ACTA2: variants seen among roughly 807,000 people sequenced by gnomAD.
ACTA2 encodes the protein actin, aortic smooth muscle.
In ACTA2, 12 loss-of-function variants were observed where a neutral mutation model predicts 39.5. The observed-to-expected ratio is 0.30, with a 90% confidence interval of 0.19 to 0.49. The LOEUF (loss-of-function observed/expected upper bound fraction) is 0.49. Ranked by LOEUF, ACTA2 falls within the 20% of genes least tolerant of loss-of-function variation. ACTA2 has a pLI of 0.99. For missense variants in ACTA2, 236 were observed against 498.8 expected (o/e 0.47, Z 5.02); for synonymous variants, 158 against 180.6 (o/e 0.88, Z 1.00).
At chr10:88,945,687 C>T (rs909128380) in intron 3 of ACTA2, among the ~76,000 whole-genome samples, 1 of 152,062 alleles carries the variant, frequency 6.6e-6, no homozygotes, top group African/African-American at 2.4e-5. Flanking sequence ...TATCATATAG[C>T]TTTTTTCAGT....
intron 1 of ACTA2, among the ~76,000 whole-genome samples, chr10:88,980,419 G>T (rs763560914): frequency 6.6e-6 from 1 of 152,176 alleles, no homozygotes; most frequent in Non-Finnish European, 1.5e-5. Context: ...GGATAAATAA[G>T]AGCCAGAACT....
In ACTA2 at chr10:88,947,377, C is replaced by T. The variant is rs1181233032; in HGVS notation, c.139G>A (p.Val47Met). The T allele has an allele frequency of 6.2e-7, 1 of 1,613,968 alleles. No homozygotes were observed. Among genetic ancestry groups the T allele is most frequent in the Admixed American group, 1.7e-5 (1 of 60,016 alleles). ...VGRPRHQGVM[V>M]GMGQKDSYVG... is the part of the protein sequence containing the mutation. ...TAGCTGTCTTTTTGTCCCATTCCCA[C>T]CATCACCCCCTAAAAAGGTTCAACA... Residue 47 changes from valine to methionine, a missense_variant, in exon 3 of 9, where the codon GTG becomes ATG. Val to Met is a conservative substitution (Grantham distance 21). Coordinates refer to ENST00000224784, the MANE Select transcript of ACTA2 (RefSeq NM_001613.4).
chr10:88,957,255 G>A (rs367628179), upstream of ACTA2, among the ~76,000 whole-genome samples: 13 of 152,180 alleles, frequency 8.5e-5, no homozygotes, highest in African/African-American at 2.9e-4. Context: ...TAAGATTCAC[G>A]AGGCACCTTC....
rs187751276 is a variant in ACTA2 at position 88,976,832 on chromosome 10, T to C, written c.-24+14107A>G. On this transcript the variant is annotated intron_variant, in intron 1 of 4. Coordinates refer to the ACTA2 transcript ENST00000415557. The stretch of plus-strand genomic sequence containing the variant: ...GCTGGGTAGAGTTGAAGTTTGAAAA[T>C]TGAATAAAATAATTCTTTCATTAAA... Among the ~76,000 whole-genome samples the C allele has an allele frequency of 1.5e-3, 234 of 152,314 alleles. 1 individual carries two copies. The highest frequency in any genetic ancestry group is 5.3e-3 in the African/African-American group (219 of 41,578).
chr10:88,961,896 C>G (rs192809763), intron 1 of ACTA2, among the ~76,000 whole-genome samples: 11 of 152,266 alleles, frequency 7.2e-5, no homozygotes, highest in Admixed American at 7.2e-4. Flanking sequence ...ATATAAATGA[C>G]AGGATTATAA....
chr10:88,948,306 T>C (rs1589399841), intron 2 of ACTA2: 1 of 166,694 alleles, frequency 6.0e-6, no homozygotes, highest in East Asian at 1.6e-4. Context: ...ATGCCACCAA[T>C]ACTTTGTTTA....
chr10:88,985,866 C>A lies in ACTA2; in HGVS notation c.-24+5073G>T, dbSNP rs567582794. Among the ~76,000 whole-genome samples, 4 of 152,314 alleles carry A rather than the reference C, an allele frequency of 2.6e-5. No individual in the cohort carries two copies. The East Asian group carries it at 5.8e-4, about 22-fold the overall frequency. On this transcript the variant is annotated intron_variant, in intron 1 of 4. Coordinates refer to the ACTA2 transcript ENST00000415557. ...AAAGCGCTGCCATGCCTTAAGCCAACCTTTCCAGAAGTATAATGCCCTTGC... is the reference window on the plus strand; with the variant it reads ...AAAGCGCTGCCATGCCTTAAGCCAAACTTTCCAGAAGTATAATGCCCTTGC...
At chr10:88,944,017 A>C (rs774040445) in intron 3 of ACTA2, 110 bp from the exon 4 acceptor site, 5 of 878,580 alleles carry the variant, frequency 5.7e-6, no homozygotes, top group Non-Finnish European at 9.3e-6. Context: ...AGGAAATGCT[A>C]CAAGTACTCA....
intron 1 of ACTA2, among the ~76,000 whole-genome samples, chr10:88,983,503 G>C (rs1846762616): frequency 6.7e-6 from 1 of 150,352 alleles, no homozygotes; most frequent in African/African-American, 2.4e-5. Context: ...CCTAGTAACT[G>C]TGTGACTTTG....
rs150073369 is a variant in ACTA2 at position 88,971,617 on chromosome 10, C to T, written c.-24+19322G>A. 3.0e-3 allele frequency among the ~76,000 whole-genome samples: 462 copies of T among 152,200 alleles called. 5 individuals are homozygous for T. The highest frequency in any genetic ancestry group is 0.011 in the African/African-American group (437 of 41,548). ...TTTTCTTATAATAAAAGTCATAATG[C>T]CAACCACTTTAAGAGTTCTTTTGCT... On this transcript the variant is annotated intron_variant, in intron 1 of 4. Transcript: ENST00000415557.
intron 1 of ACTA2, among the ~76,000 whole-genome samples, chr10:88,970,235 C>A (rs993971492): frequency 6.6e-6 from 1 of 152,190 alleles, no homozygotes; most frequent in Non-Finnish European, 1.5e-5. Context: ...TTAAGGAGGT[C>A]TTTGGACGTT....
chr10:88,987,326 G>A (rs1846931000), intron 1 of ACTA2, among the ~76,000 whole-genome samples: 1 of 152,198 alleles, frequency 6.6e-6, no homozygotes. Context: ...TATCAGTTAA[G>A]ATTTTTTCAG....
chr10:88,986,483 G>T (rs1011682236), intron 1 of ACTA2, among the ~76,000 whole-genome samples: 1 of 152,050 alleles, frequency 6.6e-6, no homozygotes, highest in Non-Finnish European at 1.5e-5. Flanking sequence ...TTGCTCAAGA[G>T]GTAGGTTAGT....
At position 88,941,791 on chromosome 10, in the gene ACTA2, T is replaced by C; in HGVS notation, c.448A>G (p.Thr150Ala). The change falls in exon 5 of 9, where the codon ACA becomes GCA. Residue 150 changes from threonine (T) to alanine (A), a missense_variant. Transcript: ENST00000224784. ...AVLSLYASGR[T>A]TGIVLDSGDG... is the part of the protein sequence containing the mutation. ...GTCCCGCCCAGCCACCTACCAGTTG[T>C]GCGTCCAGAGGCATAGAGAGACAGC... is the stretch of plus-strand genomic sequence containing the variant. 6.2e-7 allele frequency: 1 copy of C among 1,611,762 alleles called. No individual in the cohort carries two copies. Among genetic ancestry groups the C allele is most frequent in the South Asian group, 1.1e-5 (1 of 90,522 alleles).
rs1016684851 is a variant in ACTA2, at chr10:88,939,872, A to C, written c.617-174T>G. 36 of 677,876 alleles carry C rather than the reference A, an allele frequency of 5.3e-5. No individual in the cohort carries two copies. The South Asian group carries it at 5.7e-4, about 11-fold the overall frequency. The allele number at this position is 677,876 out of a possible 1,614,324, so 42.0% of individuals were successfully genotyped here. A position where few individuals can be genotyped will look rare whatever the true frequency, so the allele number is the denominator to read the frequency against. On this transcript the variant is annotated intron_variant, in intron 6 of 8. Coordinates refer to ENST00000224784, the MANE Select transcript of ACTA2 (RefSeq NM_001613.4). Reference sequence around the variant, plus strand: ...AATGACGTAGTAGGGCCACCAGGGAACCACCTCTGTTCCTAGGACAGTGTC... The same window carrying C: ...AATGACGTAGTAGGGCCACCAGGGACCCACCTCTGTTCCTAGGACAGTGTC...
chr10:88,959,589 T>C lies in ACTA2; in HGVS notation c.-23-10636A>G, dbSNP rs1269148199. On this transcript the variant is annotated intron_variant, in intron 1 of 4. Transcript: ENST00000415557. ...AAAGTTGTGAAGATAATACAGAGAG[T>C]TCTCATGTACCCTACACCTAGTTTC... Among the ~76,000 whole-genome samples the C allele has an allele frequency of 2.6e-5, 4 of 152,290 alleles. No individual in the cohort carries two copies. In the South Asian group the frequency reaches 8.3e-4, roughly 32 times the overall value.
intron 1 of ACTA2, among the ~76,000 whole-genome samples, chr10:88,970,466 G>A (rs944000756): frequency 1.3e-5 from 2 of 152,174 alleles, no homozygotes; most frequent in African/African-American, 4.8e-5. Flanking sequence ...TTCAGTTAGT[G>A]CTGAGACTAC....
At chr10:88,979,636 T>A (rs1846660523) in intron 1 of ACTA2, among the ~76,000 whole-genome samples, 1 of 152,006 alleles carries the variant, frequency 6.6e-6, no homozygotes, top group South Asian at 2.1e-4. Flanking sequence ...CAAGTCTACA[T>A]AACCTGAGAG....
intron 1 of ACTA2, among the ~76,000 whole-genome samples, chr10:88,962,587 C>T (rs145177314): frequency 6.6e-6 from 1 of 152,122 alleles, no homozygotes; most frequent in East Asian, 1.9e-4. Context: ...TCTTTGGTGA[C>T]AAATACCACA....
Sources: allele counts gnomAD v4.1 joint callset (sites outside exome capture counted in the v4.1 genomes callset), GRCh38; gene constraint gnomAD v4.1.1; transcripts MANE v1.5; gene names NCBI Gene and HGNC (gene_info 2026-07-23, HGNC 2026-07-21).